IGSF21: variants seen among roughly 807,000 people sequenced by gnomAD.
IGSF21 encodes immunoglobin superfamily member 21, also known as immunoglobulin superfamily member 21.
Under a neutral mutation model 46.8 loss-of-function variants are expected in IGSF21, and 28 were observed. The ratio of observed to expected loss-of-function variants is 0.60; its 90% CI spans 0.44 to 0.82. The LOEUF is 0.82. IGSF21 is among the 40% of genes least tolerant of loss of function. The probability of loss-of-function intolerance (pLI) is 0.00; values close to 1 mark genes in which losing one functional copy is unlikely to be tolerated. For missense variants in IGSF21, 624 were observed against 665.5 expected (o/e 0.94, Z 0.69); for synonymous variants, 284 against 273.6 (o/e 1.04, Z -0.38).
intron 4 of IGSF21, among the ~76,000 whole-genome samples, chr1:18,351,528 A>T (rs1355035466): frequency 6.6e-6 from 1 of 152,142 alleles, no homozygotes; most frequent in African/African-American, 2.4e-5. Context: ...GTCTCCCCAG[A>T]GCCTCCAAGT....
At chr1:18,174,042 C>A (rs1435328328) in intron 1 of IGSF21, among the ~76,000 whole-genome samples, 1 of 152,238 alleles carries the variant, frequency 6.6e-6, no homozygotes. Flanking sequence ...GCATGAGCCA[C>A]CGCGCCTGGC....
At chr1:18,293,670 G>T (rs2085288102) in intron 3 of IGSF21, among the ~76,000 whole-genome samples, 1 of 152,220 alleles carries the variant, frequency 6.6e-6, no homozygotes, top group Non-Finnish European at 1.5e-5. Flanking sequence ...TCATTTTGGA[G>T]AAAATAGCTA....
chr1:18,176,064 G>A (rs2124464421), intron 1 of IGSF21: 1 of 152,336 alleles, frequency 6.6e-6, no homozygotes. Context: ...TGGCCTGGAT[G>A]TCTGAAACTG....
chr1:18,370,833 T>C (rs2086217382), intron 6 of IGSF21, among the ~76,000 whole-genome samples: 1 of 152,146 alleles, frequency 6.6e-6, no homozygotes, highest in East Asian at 1.9e-4. Flanking sequence ...CTACACTACA[T>C]TATTAGTTAT....
At chr1:18,289,296 A>G (rs142366034) in intron 2 of IGSF21, among the ~76,000 whole-genome samples, 1,819 of 152,304 alleles carry the variant, frequency 0.012, 19 homozygotes, top group Non-Finnish European at 0.017. Context: ...CTTCCGCTTT[A>G]TGACTTTGGG....
At chr1:18,204,850 T>C (rs1255669792) in intron 1 of IGSF21, among the ~76,000 whole-genome samples, 1 of 152,192 alleles carries the variant, frequency 6.6e-6, no homozygotes, top group Non-Finnish European at 1.5e-5. Flanking sequence ...GTCTTCCTGT[T>C]GGGCTTGGGA....
chr1:18,150,253 G>C (rs1207841736), intron 1 of IGSF21, among the ~76,000 whole-genome samples: 1 of 152,170 alleles, frequency 6.6e-6, no homozygotes, highest in African/African-American at 2.4e-5. Flanking sequence ...AGAGAATTTA[G>C]GTTTTGGAAC....
intron 1 of IGSF21, among the ~76,000 whole-genome samples, chr1:18,161,141 C>A (rs1005172668): frequency 6.6e-6 from 1 of 152,122 alleles, no homozygotes; most frequent in Non-Finnish European, 1.5e-5. Flanking sequence ...GGAAAGAAAA[C>A]CCCGTGACTC....
intron 2 of IGSF21, among the ~76,000 whole-genome samples, chr1:18,244,925 G>C (rs2084770225): frequency 6.6e-6 from 1 of 152,144 alleles, no homozygotes. Context: ...TTGCCACTTA[G>C]AAGCTGTGTG....
In IGSF21 at chr1:18,189,918, C is replaced by T. The variant is rs1040500986; in HGVS notation, c.71-37980C>T. Among the ~76,000 whole-genome samples the T allele has an allele frequency of 5.3e-5, 8 of 152,326 alleles. No homozygotes were observed. In the East Asian group the frequency reaches 9.7e-4, roughly 18 times the overall value. ...GCCACTGCCCTTTGGTTGGCCCAACCAATGCCACTCCAGGCTTGTGGTATT... is the reference window on the plus strand; with the variant it reads ...GCCACTGCCCTTTGGTTGGCCCAACTAATGCCACTCCAGGCTTGTGGTATT... On this transcript the variant is annotated intron_variant, in intron 1 of 9. Coordinates refer to ENST00000251296, the MANE Select transcript of IGSF21 (RefSeq NM_032880.5).
At chr1:18,108,268 G>T (rs1386448892) in intron 1 of IGSF21, 70 bp downstream of exon 1, 11 of 1,290,240 alleles carry the variant, frequency 8.5e-6, no homozygotes, top group South Asian at 4.4e-5. Context: ...GGGGGAGGGC[G>T]CTGGCCGGGG....
intron 1 of IGSF21, among the ~76,000 whole-genome samples, chr1:18,222,599 GAGTCCCATGGC>G (rs1207326541): frequency 6.6e-6 from 1 of 152,196 alleles, no homozygotes; most frequent in Non-Finnish European, 1.5e-5. Context: ...TGGGGAAACT[GAGTCCCATGGC>G]AGTCCCATAA....
At chr1:18,227,556 T>G (rs376861872) in intron 1 of IGSF21, among the ~76,000 whole-genome samples, 1 of 151,776 alleles carries the variant, frequency 6.6e-6, no homozygotes, top group Non-Finnish European at 1.5e-5. Context: ...GGGTATCTTA[T>G]AGAAATACAT....
chr1:18,258,110 G>A lies in IGSF21; in HGVS notation c.183+30100G>A, dbSNP rs187524520. ...TCTTCAATTCCTTTGGGACAGTTGCGCTCCTTGACACTCCCCAAGTTTTTT... is the reference window on the plus strand; with the variant it reads ...TCTTCAATTCCTTTGGGACAGTTGCACTCCTTGACACTCCCCAAGTTTTTT... On this transcript the variant is annotated intron_variant, in intron 2 of 9. Transcript: ENST00000251296. Among the ~76,000 whole-genome samples, 128 of 152,216 alleles carry A rather than the reference G, an allele frequency of 8.4e-4. No homozygotes were observed. The South Asian group carries it at 9.4e-3, about 11-fold the overall frequency.
At chr1:18,155,385 G>C (rs1238467828) in intron 1 of IGSF21, among the ~76,000 whole-genome samples, 1 of 152,148 alleles carries the variant, frequency 6.6e-6, no homozygotes, top group Non-Finnish European at 1.5e-5. Context: ...TGTAAAATGG[G>C]GATAAGGATA....
At position 18,334,788 on chromosome 1, in the gene IGSF21, G is replaced by C. The variant is rs980808471; in HGVS notation, c.306-104G>C. ...CAGCCCAGCACACAGGCCTGTGTTT[G>C]TTAGTGGAGGCTGCACCAGTGGGCA... On this transcript the variant is annotated intron_variant, in intron 3 of 9. Transcript: ENST00000251296. The surrounding 1 kb of genome is among the most constrained non-coding windows in gnomAD (Gnocchi z 4.3). The C allele has an allele frequency of 2.5e-6, 2 of 804,840 alleles. No homozygotes were observed. Among genetic ancestry groups the C allele is most frequent in the African/African-American group, 1.7e-5 (1 of 59,744 alleles). 49.9% of individuals were successfully genotyped at this position (804,840 alleles called of 1,614,324 possible). A position where few individuals can be genotyped will look rare whatever the true frequency, so the allele number is the denominator to read the frequency against.
rs186993195 is a variant in IGSF21 at position 18,235,432 on chromosome 1, T to A, written c.183+7422T>A. Reference sequence around the variant, plus strand: ...CTAATGATAAGCGCAGTGCATATAATTAAAATCGAGTGGTGGGATAGAAAG... The same window carrying A: ...CTAATGATAAGCGCAGTGCATATAAATAAAATCGAGTGGTGGGATAGAAAG... On this transcript the variant is annotated intron_variant, in intron 2 of 9. Transcript: ENST00000251296. 7.9e-5 allele frequency among the ~76,000 whole-genome samples: 12 copies of A among 152,222 alleles called. No homozygotes were observed. The East Asian group carries it at 2.3e-3, about 29-fold the overall frequency.
In IGSF21 at chr1:18,335,639, C is replaced by T. The variant is rs2085758645; in HGVS notation, c.424+629C>T. On this transcript the variant is annotated intron_variant, in intron 4 of 9. Coordinates refer to ENST00000251296, the MANE Select transcript of IGSF21 (RefSeq NM_032880.5). The surrounding 1 kb of genome is among the most constrained non-coding windows in gnomAD (Gnocchi z 4.8). ...CTCTAATGTTCTTGTCAGATACACACCTTTGGATTCTGGCTCTATTGCAAG... is the reference window on the plus strand; with the variant it reads ...CTCTAATGTTCTTGTCAGATACACATCTTTGGATTCTGGCTCTATTGCAAG... Among the ~76,000 whole-genome samples, 2 of 152,192 alleles carry T rather than the reference C, an allele frequency of 1.3e-5. No individual in the cohort carries two copies. Among genetic ancestry groups the T allele is most frequent in the African/African-American group, 4.8e-5 (2 of 41,442 alleles).
chr1:18,133,453 G>A (rs2086340404), intron 1 of IGSF21, among the ~76,000 whole-genome samples: 1 of 152,232 alleles, frequency 6.6e-6, no homozygotes, highest in African/African-American at 2.4e-5. Flanking sequence ...GGGCGCCCCC[G>A]CTTCTCCATC....
Sources: allele counts gnomAD v4.1 joint callset (sites outside exome capture counted in the v4.1 genomes callset), GRCh38; gene constraint gnomAD v4.1.1; non-coding constraint Gnocchi (gnomAD v3.1); transcripts MANE v1.5; gene names NCBI Gene and HGNC (gene_info 2026-07-23, HGNC 2026-07-21).